The following ERBB3 variants were observed in gnomAD, a reference collection of about 807,000 sequenced individuals.
ERBB3 encodes erb-b2 receptor tyrosine kinase 3.
ERBB3 carries 96 observed loss-of-function variants against 156.7 expected under a neutral mutation model. That is an observed-to-expected ratio of 0.61 (90% CI 0.52 to 0.73). The LOEUF (loss-of-function observed/expected upper bound fraction) is 0.73, where lower values mean the gene tolerates loss of function less well. Ranked by LOEUF, ERBB3 falls within the 30% of genes least tolerant of loss-of-function variation. The probability of loss-of-function intolerance (pLI) is 0.00; values close to 1 mark genes in which losing one functional copy is unlikely to be tolerated. For missense variants in ERBB3, 1,406 were observed against 1,709.4 expected, an observed-to-expected ratio of 0.82 and a Z score of 3.13; for synonymous variants, 567 against 632.0, an observed-to-expected ratio of 0.90 and a Z score of 1.54.
In ERBB3 at chr12:56,103,415, G is replaced by GGACACTAA. The variant is rs1869192629; in HGVS notation, c.*1361_*1362insACACTAAG. On this transcript the variant is annotated 3_prime_UTR_variant, in exon 28 of 28. Coordinates refer to ENST00000267101, the MANE Select transcript of ERBB3 (RefSeq NM_001982.4). ...GCTGCACACCTCTGTCCCCTTGGATGGGGAACTAAGGGAAAACGTCTGTTG... is the reference window on the plus strand; with the variant it reads ...GCTGCACACCTCTGTCCCCTTGGATGGACACTAAGGGAACTAAGGGAAAACGTCTGTTG... 1 of 213,406 alleles carries GGACACTAA rather than the reference G, an allele frequency of 4.7e-6. No individual in the cohort carries two copies. The highest frequency in any genetic ancestry group is 9.4e-6 in the Non-Finnish European group (1 of 106,630). The allele number at this position is 213,406 out of a possible 1,614,324, so 13.2% of individuals were successfully genotyped here. A position where few individuals can be genotyped will look rare whatever the true frequency, so the allele number is the denominator to read the frequency against.
chr12:56,099,649 T>G lies in ERBB3; in HGVS notation c.2841T>G (p.Cys947Trp). 6.2e-7 allele frequency: 1 copy of G among 1,613,288 alleles called. No individual in the cohort carries two copies. Among genetic ancestry groups the G allele is most frequent in the East Asian group, 2.2e-5 (1 of 44,872 alleles). ...TIDVYMVMVK[C>W]WMIDENIRPT... ...CTACCTCCTACATCTTATCTCCAGG[T>G]TGGATGATTGATGAGAACATTCGCC... Residue 947 changes from cysteine to tryptophan, a missense_variant and splice_region_variant, in exon 24 of 28, where the codon TGT (cysteine) becomes TGG (tryptophan). Physicochemically the swap from Cys to Trp is radical, Grantham distance 215. Coordinates refer to ENST00000267101, the MANE Select transcript of ERBB3 (RefSeq NM_001982.4).
intron 16 of ERBB3, 129 bp from the exon 17 acceptor site, chr12:56,095,536 C>T (rs1271309040): frequency 3.5e-5 from 42 of 1,194,852 alleles, no homozygotes; most frequent in Non-Finnish European, 4.9e-5. Flanking sequence ...CCCTTCAGTG[C>T]TTAAGGATAT....
chr12:56,094,247 A>G, intron 14 of ERBB3, 58 bp downstream of exon 14: 6 of 1,480,254 alleles, frequency 4.1e-6, no homozygotes, highest in Non-Finnish European at 4.7e-6. Flanking sequence ...TACTTGGAGC[A>G]TCTGGGGAAT....
At chr12:56,093,743 A>G (rs748817889) in intron 12 of ERBB3, 21 bp from the exon 13 acceptor site, 1 of 1,613,962 alleles carries the variant, frequency 6.2e-7, no homozygotes. Flanking sequence ...CTCCTCTCCT[A>G]ACCCACCCCT....
chr12:56,088,764 C>G lies in ERBB3; in HGVS notation c.1005C>G (p.Gly335=), dbSNP rs2136798248. Residue 335 remains glycine (G), a synonymous_variant, in exon 9 of 28, where the codon GGC becomes GGG. Transcript: ENST00000267101. ...CATTTGCAGCCTGTGAGGGAACAGGCTCTGGGAGCCGCTTCCAGACTGTGG... is the reference window on the plus strand; with the variant it reads ...CATTTGCAGCCTGTGAGGGAACAGGGTCTGGGAGCCGCTTCCAGACTGTGG... ...GLCPKACEGT[G]SGSRFQTVDS... 1 of 1,614,168 alleles carries G rather than the reference C, an allele frequency of 6.2e-7. No homozygotes were observed. The highest frequency in any genetic ancestry group is 8.5e-7 in the Non-Finnish European group (1 of 1,180,028).
intron 9 of ERBB3, among the ~76,000 whole-genome samples, chr12:56,091,820 A>G (rs987956976): frequency 5.3e-5 from 8 of 152,170 alleles, no homozygotes; most frequent in Non-Finnish European, 1.2e-4. Context: ...GTCTTGGGAT[A>G]ATTGCCTGAA....
chr12:56,087,379 G>T (rs1324447215), intron 4 of ERBB3, among the ~76,000 whole-genome samples, 198 bp from the exon 5 acceptor site: 1 of 152,176 alleles, frequency 6.6e-6, no homozygotes, highest in South Asian at 2.1e-4. Context: ...CCCAGTGGGT[G>T]GTGTGGAGGC....
In ERBB3 at chr12:56,099,619, T is replaced by C. The variant is rs201842812; in HGVS notation, c.2840-29T>C. On this transcript the variant is annotated intron_variant, in intron 23 of 27. Transcript: ENST00000267101. ...CGGCCATGGAATGTATTCTCTTTTA[T>C]GTCTCTACCTCCTACATCTTATCTC... The C allele has an allele frequency of 9.4e-6, 15 of 1,589,164 alleles. No individual in the cohort carries two copies. The East Asian group carries it at 2.2e-4, about 24-fold the overall frequency.
intron 9 of ERBB3, among the ~76,000 whole-genome samples, chr12:56,089,993 CT>C (rs758073549): frequency 0.073 from 9,995 of 137,858 alleles, 354 homozygotes; most frequent in African/African-American, 0.099. Flanking sequence ...TCCCCATATA[CT>C]TTTTTTTTTT....
intron 1 of ERBB3, chr12:56,083,332 C>G: frequency 3.0e-6 from 1 of 329,612 alleles, no homozygotes; most frequent in Non-Finnish European, 5.9e-6. Context: ...TATTCCAGGA[C>G]CTAGAGAGAG....
Position 56,090,548 on chromosome 12 carries a change from G to A in ERBB3, c.1109+1680G>A, listed in dbSNP as rs534911035. Among the ~76,000 whole-genome samples, 41 of 152,212 alleles carry A rather than the reference G, an allele frequency of 2.7e-4. 1 individual carries two copies. The highest frequency in any genetic ancestry group is 5.7e-4 in the Non-Finnish European group (39 of 68,018). ...AGTCCCAGTTACTCAGGAGGCTGAG[G>A]CAGGAGAATAGCTTGAACCTGGCAG... On this transcript the variant is annotated intron_variant, in intron 9 of 27. Coordinates refer to ENST00000267101, the MANE Select transcript of ERBB3 (RefSeq NM_001982.4).
chr12:56,097,942 T>G lies in ERBB3; in HGVS notation c.2616+2T>G. ...CAGCTGCTATACAGTGAGGCCAAGG[T>G]GAGGAGACACAAAGGGTAAGGAGGC... On this transcript the variant is annotated splice_donor_variant, in intron 21 of 27. Transcript: ENST00000267101. LOFTEE classifies it high-confidence loss of function. 1 of 1,612,570 alleles carries G rather than the reference T, an allele frequency of 6.2e-7. No homozygotes were observed. The highest frequency in any genetic ancestry group is 8.5e-7 in the Non-Finnish European group (1 of 1,179,874).
At chr12:56,084,287 C>T (rs1868403084) in intron 2 of ERBB3, among the ~76,000 whole-genome samples, 1 of 152,142 alleles carries the variant, frequency 6.6e-6, no homozygotes, top group Non-Finnish European at 1.5e-5. Context: ...CAGTGTGACA[C>T]AGTCTACTCC....
At chr12:56,082,122 T>C (rs566462059) in intron 1 of ERBB3, among the ~76,000 whole-genome samples, 242 of 152,264 alleles carry the variant, frequency 1.6e-3, no homozygotes, top group Middle Eastern at 3.4e-3. Flanking sequence ...CAAACACTTA[T>C]GGGCACGTGG....
intron 9 of ERBB3, among the ~76,000 whole-genome samples, chr12:56,091,326 TATAA>T (rs1868693699): frequency 1.5e-4 from 1 of 6,614 alleles, no homozygotes; most frequent in Non-Finnish European, 4.6e-4. Context: ...AATATATATA[TATAA>T]ATAATATATA....
At position 56,084,977 on chromosome 12, in the gene ERBB3, T is replaced by C. The variant is rs1442628902; in HGVS notation, c.235-18T>C. The C allele has an allele frequency of 1.2e-6, 2 of 1,613,984 alleles. No homozygotes were observed. The highest frequency in any genetic ancestry group is 1.7e-6 in the Non-Finnish European group (2 of 1,179,882). On this transcript the variant is annotated intron_variant, in intron 2 of 27. Coordinates refer to ENST00000267101, the MANE Select transcript of ERBB3 (RefSeq NM_001982.4). ...TGCCCTGTTGTCTCTCTCATTTACA[T>C]AATCTGCTCTGTCACAGTGGATTCG...
At position 56,093,900 on chromosome 12, in the gene ERBB3, C is replaced by T. The variant is rs761947335; in HGVS notation, c.1613+4C>T. 22 of 1,611,488 alleles carry T rather than the reference C, an allele frequency of 1.4e-5. No individual in the cohort carries two copies. In the South Asian group the frequency reaches 2.1e-4, roughly 15 times the overall value. On this transcript the variant is annotated splice_donor_region_variant and intron_variant, in intron 13 of 27. Coordinates refer to ENST00000267101, the MANE Select transcript of ERBB3 (RefSeq NM_001982.4). The stretch of plus-strand genomic sequence containing the variant: ...CCCACTGCAACTTTCTGAATGGGTA[C>T]AGTAAGGGGAGCCAGTCAAGGATGG...
rs1362581850 is a variant in ERBB3, at chr12:56,099,749, A to T, written c.2937+4A>T. The T allele has an allele frequency of 6.2e-7, 1 of 1,613,506 alleles. No individual in the cohort carries two copies. The highest frequency in any genetic ancestry group is 1.1e-5 in the South Asian group (1 of 91,062). ...ACCACGGTATCTGGTCATAAAGGTG[A>T]GTAGGGAGTAGGAGGTGCTAAGGAA... On this transcript the variant is annotated splice_donor_region_variant and intron_variant, in intron 24 of 27. Transcript: ENST00000267101.
In ERBB3 at chr12:56,084,436, C is replaced by T. The variant is rs191131399; in HGVS notation, c.234+534C>T. ...GACCAGCCTGGGCAATGTGGTGAAA[C>T]GCTGTCTCTACAAAAATACAAAAAT... is the stretch of plus-strand genomic sequence containing the variant. On this transcript the variant is annotated intron_variant, in intron 2 of 27. Coordinates refer to ENST00000267101, the MANE Select transcript of ERBB3 (RefSeq NM_001982.4). Among the ~76,000 whole-genome samples, 67 of 151,888 alleles carry T rather than the reference C, an allele frequency of 4.4e-4. 2 individuals carry two copies. The East Asian group carries it at 8.0e-3, about 18-fold the overall frequency.
Sources: allele counts gnomAD v4.1 joint callset (sites outside exome capture counted in the v4.1 genomes callset), GRCh38; gene constraint gnomAD v4.1.1; transcripts MANE v1.5; gene names NCBI Gene and HGNC (gene_info 2026-07-23, HGNC 2026-07-21).